DPP10: variants seen among roughly 807,000 people sequenced by gnomAD.
DPP10 encodes the protein inactive dipeptidyl peptidase 10.
Under a neutral mutation model 120.9 loss-of-function variants are expected in DPP10, and 33 were observed. That is an observed-to-expected ratio of 0.27 (90% confidence interval 0.21 to 0.37). The LOEUF is 0.37. DPP10 is among the 10% of genes least tolerant of loss of function. The pLI is 1.00. For synonymous variants in DPP10, 337 were observed against 326.1 expected (o/e 1.03, Z -0.36); for missense variants, 816 against 942.8 (o/e 0.87, Z 1.76).
chr2:115,045,827 C>T (rs1705021715), intron 1 of DPP10, among the ~76,000 whole-genome samples: 2 of 152,146 alleles, frequency 1.3e-5, no homozygotes, highest in African/African-American at 2.4e-5. Context: ...GTTGTGGAGT[C>T]GATCACTGGA....
intron 7 of DPP10, among the ~76,000 whole-genome samples, chr2:115,722,758 T>C (rs761346241): frequency 2.0e-5 from 3 of 152,100 alleles, no homozygotes; most frequent in Non-Finnish European, 4.4e-5. Context: ...ATGGCTATAT[T>C]GTACAAGCAA....
intron 1 of DPP10, among the ~76,000 whole-genome samples, chr2:114,583,715 A>C (rs904986374): frequency 2.0e-5 from 3 of 152,218 alleles, no homozygotes; most frequent in Non-Finnish European, 4.4e-5. Flanking sequence ...TTTGCACTAA[A>C]AGAGAGAAAT....
Position 114,914,243 on chromosome 2 carries a change from C to T in DPP10, c.61-394996C>T, listed in dbSNP as rs2106635743. Among the ~76,000 whole-genome samples the T allele has an allele frequency of 1.3e-5, 2 of 152,244 alleles. 1 individual carries two copies. The highest frequency in any genetic ancestry group is 4.1e-4 in the South Asian group (2 of 4,832). On this transcript the variant is annotated intron_variant, in intron 1 of 25. Coordinates refer to ENST00000410059, the MANE Select transcript of DPP10 (RefSeq NM_020868.6). ...AGATGCTATACAATATGACCATCCA[C>T]AAGACACGTAGTCATCGTATTCTCC...
At chr2:114,994,694 A>C (rs893429246) in intron 1 of DPP10, among the ~76,000 whole-genome samples, 12 of 152,102 alleles carry the variant, frequency 7.9e-5, no homozygotes, top group African/African-American at 2.4e-4. Context: ...TATTCTTTTC[A>C]GGTATTTTCT....
chr2:114,497,225 A>C (rs1270543748), intron 1 of DPP10, among the ~76,000 whole-genome samples: 1 of 148,782 alleles, frequency 6.7e-6, no homozygotes, highest in Admixed American at 6.7e-5. Flanking sequence ...GTGTGTATGC[A>C]TGTACGTGCG....
At chr2:115,258,191 G>C (rs2059092749) in intron 1 of DPP10, among the ~76,000 whole-genome samples, 1 of 152,178 alleles carries the variant, frequency 6.6e-6, no homozygotes, top group Non-Finnish European at 1.5e-5. Context: ...TACTTTATAT[G>C]CCTGAAATTA....
rs1191966892 is a variant in DPP10 at position 115,782,106 on chromosome 2, A to G, written c.1484-246A>G. 1.3e-5 allele frequency among the ~76,000 whole-genome samples: 2 copies of G among 152,102 alleles called. 1 individual carries two copies. Among genetic ancestry groups the G allele is most frequent in the Admixed American group, 1.3e-4 (2 of 15,258 alleles). ...GAATTGGCTAAAAACATAGAAATAT[A>G]GAACATTTGGGGGAAGAGAGAATCT... On this transcript the variant is annotated intron_variant, in intron 16 of 25. Coordinates refer to ENST00000410059, the MANE Select transcript of DPP10 (RefSeq NM_020868.6).
rs535516937 is a variant in DPP10 at position 115,204,363 on chromosome 2, G to A, written c.61-104876G>A. 2.0e-5 allele frequency among the ~76,000 whole-genome samples: 3 copies of A among 152,148 alleles called. No individual in the cohort carries two copies. In the South Asian group the frequency reaches 6.2e-4, roughly 32 times the overall value. ...TTGTCCTTAGAATTCACGGGAAGAA[G>A]GAAAAAGACTAAGCCTCTAGCCTCT... On this transcript the variant is annotated intron_variant, in intron 1 of 25. Coordinates refer to ENST00000410059, the MANE Select transcript of DPP10 (RefSeq NM_020868.6).
chr2:114,940,556 C>CAA lies in DPP10; in HGVS notation c.61-368668_61-368667dup, dbSNP rs765537282. ...AGAATCTACACCAGAGACCACTCAGCAAAAAAAAAAAAAAAATGGTGTTTT... is the reference window on the plus strand; with the variant it reads ...AGAATCTACACCAGAGACCACTCAGCAAAAAAAAAAAAAAAAAATGGTGTTTT... On this transcript the variant is annotated intron_variant, in intron 1 of 25. Coordinates refer to ENST00000410059, the MANE Select transcript of DPP10 (RefSeq NM_020868.6). Among the ~76,000 whole-genome samples, 96 of 107,214 alleles carry CAA rather than the reference C, an allele frequency of 9.0e-4. No homozygotes were observed. In the East Asian group the frequency reaches 0.019, roughly 21 times the overall value. 70.3% of individuals were successfully genotyped at this position (107,214 alleles called of 152,430 possible).
chr2:115,350,459 G>A (rs578248083), intron 3 of DPP10, among the ~76,000 whole-genome samples: 4 of 151,998 alleles, frequency 2.6e-5, no homozygotes, highest in Admixed American at 6.6e-5. Flanking sequence ...TACTAACTAC[G>A]GATATTCAAA....
intron 21 of DPP10, among the ~76,000 whole-genome samples, chr2:115,829,924 T>A (rs1688748723): frequency 6.6e-6 from 1 of 152,096 alleles, no homozygotes; most frequent in Admixed American, 6.5e-5. Context: ...TTAAGCAACT[T>A]TAGTTTGAAT....
chr2:115,809,057 A>T (rs72828602), intron 19 of DPP10, among the ~76,000 whole-genome samples: 6 of 152,210 alleles, frequency 3.9e-5, no homozygotes, highest in African/African-American at 1.4e-4. Context: ...ATGGAAGAAG[A>T]TGGGAATGTG....
intron 1 of DPP10, among the ~76,000 whole-genome samples, chr2:115,285,020 A>G (rs1559364643): frequency 6.6e-6 from 1 of 152,060 alleles, no homozygotes; most frequent in African/African-American, 2.4e-5. Flanking sequence ...GCACGTTCAT[A>G]TAATGTCCAG....
intron 1 of DPP10, among the ~76,000 whole-genome samples, chr2:114,920,294 G>A (rs60354042): frequency 0.025 from 3,788 of 152,238 alleles, 149 homozygotes; most frequent in African/African-American, 0.082. Flanking sequence ...CTGCTAACCA[G>A]AACACATGTT....
At chr2:114,767,391 A>T (rs1394724493) in intron 1 of DPP10, among the ~76,000 whole-genome samples, 2 of 150,884 alleles carry the variant, frequency 1.3e-5, no homozygotes, top group African/African-American at 4.9e-5. Flanking sequence ...GACCTAATTG[A>T]TGAATGGAGG....
intron 5 of DPP10, among the ~76,000 whole-genome samples, chr2:115,662,410 G>C (rs1438219123): frequency 6.8e-6 from 1 of 147,820 alleles, no homozygotes; most frequent in African/African-American, 2.6e-5. Context: ...TCATAAGATA[G>C]CTCTATTTTT....
chr2:114,445,067 A>C (rs888981912), intron 1 of DPP10, among the ~76,000 whole-genome samples: 1 of 152,168 alleles, frequency 6.6e-6, no homozygotes, highest in Non-Finnish European at 1.5e-5. Context: ...TAACAATCTA[A>C]AGAAAAACTC....
At chr2:115,477,542 TGA>T (rs1318751491) in intron 3 of DPP10, among the ~76,000 whole-genome samples, 1 of 152,162 alleles carries the variant, frequency 6.6e-6, no homozygotes, top group Non-Finnish European at 1.5e-5. Flanking sequence ...ATACATGGAT[TGA>T]GAGACAGTAT....
At chr2:115,382,891 G>C (rs2066522666) in intron 3 of DPP10, among the ~76,000 whole-genome samples, 1 of 152,142 alleles carries the variant, frequency 6.6e-6, no homozygotes, top group Non-Finnish European at 1.5e-5. Context: ...CCAATTGTGG[G>C]GCAGGAGGGA....
Sources: allele counts gnomAD v4.1 joint callset (sites outside exome capture counted in the v4.1 genomes callset), GRCh38; gene constraint gnomAD v4.1.1; transcripts MANE v1.5; gene names NCBI Gene and HGNC (gene_info 2026-07-23, HGNC 2026-07-21).